The following ARID2 variants were observed in gnomAD, a reference collection of about 807,000 sequenced individuals.
ARID2 encodes AT-rich interaction domain 2.
ARID2 carries 32 observed loss-of-function variants against 184.6 expected under a neutral mutation model. The observed-to-expected ratio is 0.17, with a 90% CI of 0.13 to 0.23. ARID2 has a LOEUF of 0.23. ARID2 is among the 10% of genes least tolerant of loss of function. The pLI, the probability that ARID2 is intolerant of heterozygous loss-of-function variation, is 1.00. For missense variants in ARID2, 1,696 were observed against 2,197.6 expected (o/e 0.77, Z 4.56); for synonymous variants, 836 against 772.6 (o/e 1.08, Z -1.36).
At chr12:45,887,398 A>G (rs1944211147) in intron 16 of ARID2, among the ~76,000 whole-genome samples, 1 of 152,220 alleles carries the variant, frequency 6.6e-6, no homozygotes, top group South Asian at 2.1e-4. Context: ...AGGATCAAAG[A>G]AAAAGTGTTG....
intron 4 of ARID2, among the ~76,000 whole-genome samples, chr12:45,812,976 A>G (rs1254780097): frequency 1.3e-5 from 2 of 152,114 alleles, no homozygotes; most frequent in African/African-American, 4.8e-5. Context: ...CCCATTTTCT[A>G]TTGATCTGCT....
At chr12:45,829,019 G>GT (rs923839013) in intron 6 of ARID2, among the ~76,000 whole-genome samples, 13 of 151,688 alleles carry the variant, frequency 8.6e-5, no homozygotes, top group African/African-American at 2.7e-4. Context: ...AACAGAATGT[G>GT]TTTTTTTCTG....
At chr12:45,823,543 C>T (rs1942937476) in intron 6 of ARID2, among the ~76,000 whole-genome samples, 1 of 151,778 alleles carries the variant, frequency 6.6e-6, no homozygotes, top group Non-Finnish European at 1.5e-5. Flanking sequence ...ATTGAGAAAC[C>T]ACTAGCTAGA....
intron 3 of ARID2, among the ~76,000 whole-genome samples, chr12:45,745,254 G>A (rs1357918776): frequency 2.6e-5 from 4 of 152,154 alleles, no homozygotes; most frequent in African/African-American, 4.8e-5. Context: ...ATTGGATATG[G>A]CTACTGAATT....
rs1941335340 is a variant in ARID2, at chr12:45,745,362, C to CT, written c.284+14052dup. 2.0e-5 allele frequency among the ~76,000 whole-genome samples: 3 copies of CT among 152,198 alleles called. No homozygotes were observed. The South Asian group carries it at 6.2e-4, about 32-fold the overall frequency. ...TTCTGGAAGGGTAGAAATAAGGATA[C>CT]TTTTCCAGGTAGGCCTGCGTGGGGA... On this transcript the variant is annotated intron_variant, in intron 3 of 20. Coordinates refer to ENST00000334344, the MANE Select transcript of ARID2 (RefSeq NM_152641.4).
At chr12:45,760,985 A>T (rs1311795544) in intron 3 of ARID2, among the ~76,000 whole-genome samples, 2 of 152,114 alleles carry the variant, frequency 1.3e-5, no homozygotes, top group African/African-American at 2.4e-5. Flanking sequence ...TGTTGGCCCC[A>T]CAAAGCACTG....
chr12:45,791,077 A>G (rs1294698150), intron 3 of ARID2, among the ~76,000 whole-genome samples: 1 of 152,160 alleles, frequency 6.6e-6, no homozygotes, highest in Non-Finnish European at 1.5e-5. Context: ...GGTGGATTGT[A>G]TGGTAATTCT....
In ARID2 at chr12:45,849,628, C is replaced by A. The variant is rs1421580451; in HGVS notation, c.1764C>A (p.Ser588Arg). 1 of 1,613,500 alleles carries A rather than the reference C, an allele frequency of 6.2e-7. No individual in the cohort carries two copies. Among genetic ancestry groups the A allele is most frequent in the Non-Finnish European group, 8.5e-7 (1 of 1,179,618 alleles). ...TGAAGAGAGTGGAGGATTCCAGTAG[C>A]AATGGGCAGGCACATATTCATGTGG... ...HTVKRVEDSSSNGQAHIHVVG... is the reference protein window; with the variant it reads ...HTVKRVEDSSRNGQAHIHVVG... The change falls in exon 14 of 21, where the codon AGC becomes AGA. Residue 588 changes from serine (S) to arginine (R), a missense_variant. By Grantham distance (110) the Ser-to-Arg change is moderately radical. Transcript: ENST00000334344.
intron 6 of ARID2, among the ~76,000 whole-genome samples, chr12:45,830,076 A>G (rs1390374396): frequency 1.3e-5 from 2 of 149,380 alleles, no homozygotes; most frequent in East Asian, 3.9e-4. Context: ...TTATATAAAT[A>G]TATAGAAACA....
chr12:45,874,584 A>G (rs1046812077), intron 16 of ARID2, among the ~76,000 whole-genome samples: 3 of 152,122 alleles, frequency 2.0e-5, no homozygotes, highest in East Asian at 1.9e-4. Flanking sequence ...TTCTCTTGCT[A>G]TTTGTATCAT....
chr12:45,864,034 T>C (rs1943795265), intron 16 of ARID2, among the ~76,000 whole-genome samples: 1 of 152,064 alleles, frequency 6.6e-6, no homozygotes, highest in South Asian at 2.1e-4. Context: ...TTTTGCATTT[T>C]TTTATACAGA....
chr12:45,872,682 C>T (rs1290915671), intron 16 of ARID2, among the ~76,000 whole-genome samples: 1 of 152,190 alleles, frequency 6.6e-6, no homozygotes, highest in East Asian at 1.9e-4. Context: ...GGCGTAACCG[C>T]ATGGGTGGGG....
At chr12:45,799,015 A>G (rs919667674) in intron 3 of ARID2, among the ~76,000 whole-genome samples, 5 of 151,942 alleles carry the variant, frequency 3.3e-5, no homozygotes, top group Non-Finnish European at 7.4e-5. Context: ...ATAAAAATAT[A>G]CAAGAAGTAA....
At chr12:45,866,752 G>C (rs539590343) in intron 16 of ARID2, among the ~76,000 whole-genome samples, 4 of 152,264 alleles carry the variant, frequency 2.6e-5, no homozygotes, top group African/African-American at 9.6e-5. Context: ...AATACAGAGT[G>C]TTCCTATATA....
At chr12:45,863,830 T>G (rs1402798217) in intron 16 of ARID2, among the ~76,000 whole-genome samples, 2 of 138,206 alleles carry the variant, frequency 1.4e-5, no homozygotes, top group African/African-American at 5.3e-5. Context: ...TTTTTTTTCT[T>G]TTTCTTTTTC....
intron 20 of ARID2, among the ~76,000 whole-genome samples, chr12:45,898,773 T>A (rs537303053): frequency 1.3e-5 from 2 of 152,128 alleles, no homozygotes; most frequent in East Asian, 3.9e-4. Flanking sequence ...AAAAATTAGC[T>A]GGGCATGGTG....
chr12:45,774,732 G>T (rs2138029396), intron 3 of ARID2, among the ~76,000 whole-genome samples: 1 of 152,264 alleles, frequency 6.6e-6, no homozygotes, highest in South Asian at 2.1e-4. Flanking sequence ...AACACACTAG[G>T]CAGCCATGTA....
At chr12:45,773,971 T>A (rs1231228437) in intron 3 of ARID2, among the ~76,000 whole-genome samples, 2 of 152,268 alleles carry the variant, frequency 1.3e-5, no homozygotes. Flanking sequence ...GACTGGAGAT[T>A]AAGATCCTTG....
chr12:45,816,606 C>T (rs886652241), intron 4 of ARID2, among the ~76,000 whole-genome samples: 5 of 152,062 alleles, frequency 3.3e-5, no homozygotes, highest in Non-Finnish European at 1.5e-5. Context: ...AAATATGTCC[C>T]GACAAAATCC....
Sources: allele counts gnomAD v4.1 joint callset (sites outside exome capture counted in the v4.1 genomes callset), GRCh38; gene constraint gnomAD v4.1.1; transcripts MANE v1.5; gene names NCBI Gene and HGNC (gene_info 2026-07-23, HGNC 2026-07-21).